The following DCAF6 variants were observed in gnomAD, a reference collection of about 807,000 sequenced individuals.
DCAF6 encodes the protein DDB1- and CUL4-associated factor 6.
In DCAF6, 54 loss-of-function variants were observed where a neutral mutation model predicts 125.1. That is an observed-to-expected ratio of 0.43 (90% CI 0.35 to 0.54). The LOEUF is 0.54. Ranked by LOEUF, DCAF6 falls within the 20% of genes least tolerant of loss-of-function variation. The pLI is 0.01. For missense variants in DCAF6, 934 were observed against 1,161.7 expected, an observed-to-expected ratio of 0.80 and a Z score of 2.85; for synonymous variants, 371 against 390.4, an observed-to-expected ratio of 0.95 and a Z score of 0.58.
At chr1:167,918,988 G>A in the DCAF6 span, among the ~76,000 whole-genome samples, 5 of 152,200 alleles carry the variant, frequency 3.3e-5, no homozygotes, top group South Asian at 2.1e-4. Flanking sequence ...CTACAAGAAC[G>A]TGACAAACTT....
chr1:167,969,284 A>G (rs370335406), intron 3 of DCAF6: 1 of 152,212 alleles, frequency 6.6e-6, no homozygotes, highest in Non-Finnish European at 1.5e-5. Context: ...TTTTAGGCTC[A>G]TAGAATGTAA....
chr1:167,974,352 G>A (rs1223782575), intron 3 of DCAF6, among the ~76,000 whole-genome samples: 2 of 151,946 alleles, frequency 1.3e-5, no homozygotes, highest in Non-Finnish European at 2.9e-5. Context: ...AGTAATTCTG[G>A]TCTTTTAAAT....
At chr1:167,937,177 A>G in intron 1 of DCAF6, 169 bp downstream of exon 1, 1 of 627,348 alleles carries the variant, frequency 1.6e-6, no homozygotes, top group Admixed American at 2.9e-5. Context: ...TGCCTCCCCC[A>G]GTCAAGCCCC....
rs143117975 is a variant in DCAF6 at position 168,024,859 on chromosome 1, T to G, written c.1609+1812T>G. Reference sequence around the variant, plus strand: ...ATGGACCTGAGGTGAATTTCTGATCTTAAATTACTCCTTATGGACCTTAGA... The same window carrying G: ...ATGGACCTGAGGTGAATTTCTGATCGTAAATTACTCCTTATGGACCTTAGA... On this transcript the variant is annotated intron_variant, in intron 12 of 21. Transcript: ENST00000367840. Among the ~76,000 whole-genome samples, 129 of 152,122 alleles carry G rather than the reference T, an allele frequency of 8.5e-4. 4 individuals are homozygous for G. In the East Asian group the frequency reaches 0.023, roughly 27 times the overall value.
the DCAF6 span, among the ~76,000 whole-genome samples, chr1:167,892,104 C>T: frequency 6.6e-6 from 1 of 151,902 alleles, no homozygotes; most frequent in African/African-American, 2.4e-5. Flanking sequence ...TCCCTAGTAG[C>T]TGGGGCTACA....
chr1:167,888,892 A>AAG, the DCAF6 span, among the ~76,000 whole-genome samples: 1 of 148,404 alleles, frequency 6.7e-6, no homozygotes. Flanking sequence ...AAAAAAAAAG[A>AAG]AAAAGAAAGA....
In DCAF6 at chr1:168,063,623, G is replaced by A. The variant is rs370231009; in HGVS notation, c.2303G>A (p.Arg768His). The A allele has an allele frequency of 7.2e-5, 112 of 1,558,320 alleles. No individual in the cohort carries two copies. The highest frequency in any genetic ancestry group is 1.7e-4 in the Middle Eastern group (1 of 5,972). Residue 768 changes from arginine to histidine, a missense_variant and splice_region_variant, in exon 18 of 22, where the codon CGC (arginine) becomes CAC (histidine). Arg to His is a conservative substitution (Grantham distance 29). This residue lies in a region of DCAF6 where 559 missense variants were observed against 635.5 expected (regional missense o/e 0.88). Coordinates refer to ENST00000367840, the MANE Select transcript of DCAF6 (RefSeq NM_001198956.2). Reference sequence around the variant, plus strand: ...TTTTTAATATGTAATTCATATAGACGCTCTGCTGTTGCCCGTATTCAGGAG... The same window carrying A: ...TTTTTAATATGTAATTCATATAGACACTCTGCTGTTGCCCGTATTCAGGAG... ...GTTIGDRIMR[R>H]SAVARIQEFF...
chr1:168,007,366 C>T (rs903423991), intron 10 of DCAF6, among the ~76,000 whole-genome samples: 1 of 152,156 alleles, frequency 6.6e-6, no homozygotes, highest in Non-Finnish European at 1.5e-5. Flanking sequence ...CTCACATTCC[C>T]CTTCAGCTAT....
At chr1:167,870,411 C>T in the DCAF6 span, 1 of 1,606,036 alleles carries the variant, frequency 6.2e-7, no homozygotes, top group Non-Finnish European at 8.5e-7. Context: ...TTATTACGTC[C>T]TGTTATTTTT....
chr1:167,989,432 G>A (rs943813814), intron 5 of DCAF6, among the ~76,000 whole-genome samples: 12 of 152,326 alleles, frequency 7.9e-5, no homozygotes, highest in African/African-American at 2.9e-4. Flanking sequence ...AAAGTGAAAT[G>A]AAGCAGAGAG....
chr1:167,969,720 T>C (rs1187298250), intron 3 of DCAF6, among the ~76,000 whole-genome samples: 1 of 152,220 alleles, frequency 6.6e-6, no homozygotes, highest in Non-Finnish European at 1.5e-5. Context: ...AGCTTGATGT[T>C]TTCAAATCCT....
chr1:167,948,853 T>G (rs1025634342), intron 1 of DCAF6, among the ~76,000 whole-genome samples: 1 of 152,154 alleles, frequency 6.6e-6, no homozygotes, highest in Admixed American at 6.5e-5. Context: ...GGTTTTGACA[T>G]GTTGATCAGG....
chr1:168,017,197 AT>A (rs1285437666), intron 11 of DCAF6, among the ~76,000 whole-genome samples: 1 of 151,752 alleles, frequency 6.6e-6, no homozygotes, highest in Middle Eastern at 3.2e-3. Flanking sequence ...CCAGATTACA[AT>A]AATGACATTT....
intron 1 of DCAF6, among the ~76,000 whole-genome samples, chr1:167,940,254 C>T (rs12090041): frequency 0.03 from 4,575 of 152,276 alleles, 237 homozygotes; most frequent in African/African-American, 0.1. Context: ...CTCCCAAATC[C>T]ACAAGATTCA....
chr1:168,050,757 GAAGTCACA>G, intron 16 of DCAF6, 127 bp from the exon 17 acceptor site: 1 of 427,782 alleles, frequency 2.3e-6, no homozygotes, highest in East Asian at 3.4e-5. Context: ...CTTAATGCCC[GAAGTCACA>G]AAGGGAAACA....
chr1:167,977,039 TTATAGGTGC>T (rs1571761927), intron 4 of DCAF6, among the ~76,000 whole-genome samples: 1 of 151,072 alleles, frequency 6.6e-6, no homozygotes, highest in East Asian at 1.9e-4. Context: ...GTAGCTGGGA[TTATAGGTGC>T]ATACCACCAC....
At position 168,062,904 on chromosome 1, in the gene DCAF6, A is replaced by G. The variant is rs1691782161; in HGVS notation, c.2301-717A>G. Among the ~76,000 whole-genome samples the G allele has an allele frequency of 2.0e-5, 3 of 149,468 alleles. No homozygotes were observed. The South Asian group carries it at 6.3e-4, about 32-fold the overall frequency. On this transcript the variant is annotated intron_variant, in intron 17 of 21. Transcript: ENST00000367840. The stretch of plus-strand genomic sequence containing the variant: ...AAGGCCCTTGTTTTATTGCTTATAT[A>G]TTAATATTCTTTTTTTTTTTTTTTT...
rs199573600 is a variant in DCAF6 at position 168,009,345 on chromosome 1, C to CCCTTCCTT, written c.1378+4589_1378+4596dup. Among the ~76,000 whole-genome samples, 382 of 127,930 alleles carry CCCTTCCTT rather than the reference C, an allele frequency of 3.0e-3. 3 individuals are homozygous for CCCTTCCTT. The highest frequency in any genetic ancestry group is 7.7e-3 in the African/African-American group (251 of 32,422). The allele number at this position is 127,930 out of a possible 152,430, so 83.9% of individuals were successfully genotyped here. A position where few individuals can be genotyped will look rare whatever the true frequency, so the allele number is the denominator to read the frequency against. ...TTCTCTTCTTCTTTCCTTCCTTCCT[C>CCCTTCCTT]CCTTCCTTCCTTCCTTCCTTCCTTC... On this transcript the variant is annotated intron_variant, in intron 10 of 21. Coordinates refer to ENST00000367840, the MANE Select transcript of DCAF6 (RefSeq NM_001198956.2).
chr1:167,929,823 G>A, the DCAF6 span, among the ~76,000 whole-genome samples: 1 of 152,076 alleles, frequency 6.6e-6, no homozygotes, highest in Non-Finnish European at 1.5e-5. Context: ...ATCCCTCTGT[G>A]AAAAATAAAG....
Sources: gnomAD v4.1 joint callset for allele counts (sites outside exome capture counted in the v4.1 genomes callset) on GRCh38, gnomAD v4.1.1 for gene constraint, gnomAD v4.1.1 regional missense constraint, MANE v1.5 for transcripts, NCBI Gene and HGNC (gene_info 2026-07-23, HGNC 2026-07-21) for gene names.